IKZF1: variants seen among roughly 807,000 people sequenced by gnomAD.
IKZF1 encodes IKAROS family zinc finger 1.
Under a neutral mutation model 51.7 loss-of-function variants are expected in IKZF1, and 10 were observed. The ratio of observed to expected loss-of-function variants is 0.19; its 90% CI spans 0.12 to 0.33. The LOEUF is 0.33. Ranked by LOEUF, IKZF1 falls within the 10% of genes least tolerant of loss-of-function variation. The probability of loss-of-function intolerance (pLI) is 1.00; values close to 1 mark genes in which losing one functional copy is unlikely to be tolerated. For synonymous variants in IKZF1, 280 were observed against 282.3 expected (o/e 0.99, Z 0.08); for missense variants, 484 against 707.5 (o/e 0.68, Z 3.58).
At chr7:50,326,307 A>T (rs1432364582) in intron 2 of IKZF1, among the ~76,000 whole-genome samples, 1 of 152,224 alleles carries the variant, frequency 6.6e-6, no homozygotes, top group Non-Finnish European at 1.5e-5. Context: ...CTATGTGTTC[A>T]TATCATTTTG....
Position 50,400,270 on chromosome 7 carries a change from G to A in IKZF1, c.1203G>A (p.Glu401=), listed in dbSNP as rs1223738119. The change falls in exon 8 of 8, where the codon GAG becomes GAA. Residue 401 remains glutamate (E), a synonymous_variant. Coordinates refer to ENST00000331340, the MANE Select transcript of IKZF1 (RefSeq NM_006060.6). The surrounding 1 kb of genome is among the most constrained non-coding windows in gnomAD (Gnocchi z 5.4). ...SNSCQDSTDT[E]SNNEEQRSGL... is the part of the protein sequence containing the mutation. ...GCTGCCAAGACTCCACGGACACCGA[G>A]AGCAACAACGAGGAGCAGCGCAGCG... The A allele has an allele frequency of 1.2e-6, 2 of 1,612,396 alleles. No homozygotes were observed. The highest frequency in any genetic ancestry group is 2.2e-5 in the South Asian group (2 of 90,890).
intron 3 of IKZF1, among the ~76,000 whole-genome samples, chr7:50,336,355 G>A (rs1797783010): frequency 6.6e-6 from 1 of 152,172 alleles, no homozygotes; most frequent in Admixed American, 6.5e-5. Flanking sequence ...TGGGGACCAT[G>A]GGTCACATCT....
At chr7:50,353,711 G>C (rs575862587) in intron 3 of IKZF1, among the ~76,000 whole-genome samples, 1 of 152,136 alleles carries the variant, frequency 6.6e-6, no homozygotes, top group Non-Finnish European at 1.5e-5. Context: ...TTTATTCAAG[G>C]GGCTCTCTTT....
At chr7:50,385,872 TA>T (rs1319287576) in intron 5 of IKZF1, among the ~76,000 whole-genome samples, 2 of 152,240 alleles carry the variant, frequency 1.3e-5, no homozygotes, top group Non-Finnish European at 2.9e-5. Context: ...TTTATATAGA[TA>T]AAGAAAGATC....
Position 50,400,739 on chromosome 7 carries a change from T to C in IKZF1, c.*112T>C. 2 of 1,296,786 alleles carry C rather than the reference T, an allele frequency of 1.5e-6. No individual in the cohort carries two copies. The highest frequency in any genetic ancestry group is 2.1e-6 in the Non-Finnish European group (2 of 956,758). 80.3% of individuals were successfully genotyped at this position (1,296,786 alleles called of 1,614,324 possible). On this transcript the variant is annotated 3_prime_UTR_variant, in exon 8 of 8. Transcript: ENST00000331340. This position sits in a 1 kb window ranked among gnomAD's most constrained non-coding sequence, Gnocchi z 5.4. ...GACTGGACTGGACCAGACAATGTTG[T>C]GTTTGGATTTGTAACTGTTTTTTGT...
At chr7:50,359,490 A>G (rs1804575997) in intron 3 of IKZF1, among the ~76,000 whole-genome samples, 1 of 152,226 alleles carries the variant, frequency 6.6e-6, no homozygotes, top group African/African-American at 2.4e-5. Context: ...CGAACAGTGG[A>G]GACTGCTGCC....
chr7:50,331,368 C>T (rs1796407121), intron 3 of IKZF1, among the ~76,000 whole-genome samples: 1 of 151,682 alleles, frequency 6.6e-6, no homozygotes, highest in South Asian at 2.1e-4. Context: ...CTGGCCGCCA[C>T]CTGACTCAAG....
chr7:50,351,821 A>T (rs1156485927), intron 3 of IKZF1, among the ~76,000 whole-genome samples: 1 of 152,174 alleles, frequency 6.6e-6, no homozygotes, highest in Non-Finnish European at 1.5e-5. Flanking sequence ...GTATTTTAAC[A>T]CTTTTGGATG....
At chr7:50,379,904 A>G (rs908053613) in intron 4 of IKZF1, among the ~76,000 whole-genome samples, 53 of 152,250 alleles carry the variant, frequency 3.5e-4, no homozygotes, top group African/African-American at 1.3e-3. Context: ...GAGGGTTCCT[A>G]AAATGGGAGA....
At chr7:50,319,456 C>T (rs967111732) in intron 2 of IKZF1, among the ~76,000 whole-genome samples, 1 of 152,090 alleles carries the variant, frequency 6.6e-6, no homozygotes, top group Non-Finnish European at 1.5e-5. Flanking sequence ...GCTTGAAAAA[C>T]ATAATTGTTG....
intron 3 of IKZF1, among the ~76,000 whole-genome samples, chr7:50,339,215 T>TTTG (rs1199222417): frequency 7.9e-6 from 1 of 126,404 alleles, no homozygotes; most frequent in Non-Finnish European, 1.6e-5. Context: ...TTGGGTAGGG[T>TTTG]TGTGTGTGTG....
chr7:50,354,965 C>G (rs367843277), intron 3 of IKZF1, among the ~76,000 whole-genome samples: 1 of 152,104 alleles, frequency 6.6e-6, no homozygotes, highest in Admixed American at 6.5e-5. Context: ...ATACATAATG[C>G]GTGGCAATGC....
upstream of IKZF1, among the ~76,000 whole-genome samples, chr7:50,303,873 G>C (rs1047344023): frequency 1.4e-5 from 2 of 147,268 alleles, no homozygotes; most frequent in African/African-American, 4.9e-5. The surrounding 1 kb of genome is among the most constrained non-coding windows in gnomAD (Gnocchi z 4.7). Flanking sequence ...CGTGTCGCCC[G>C]CGCCGCGCCC....
In IKZF1 at chr7:50,400,129, C is replaced by A. The variant is rs2153518202; in HGVS notation, c.1062C>A (p.Leu354=). The change falls in exon 8 of 8, where the codon CTC becomes CTA. Residue 354 remains leucine (L), a synonymous_variant. Transcript: ENST00000331340. This position sits in a 1 kb window ranked among gnomAD's most constrained non-coding sequence, Gnocchi z 5.4. ...CGATGTACCAGCTGCACAAGCCGCT[C>A]GCGGAGGGCACCCCGCGCTCCAACC... ...ISPMYQLHKP[L]AEGTPRSNHS... 6.4e-7 allele frequency: 1 copy of A among 1,562,834 alleles called. No homozygotes were observed. Among genetic ancestry groups the A allele is most frequent in the Non-Finnish European group, 8.7e-7 (1 of 1,155,426 alleles).
chr7:50,367,999 A>T (rs1424006749), intron 3 of IKZF1: 3 of 682,498 alleles, frequency 4.4e-6, no homozygotes, highest in Admixed American at 2.1e-5. Context: ...TGCCTTCTTT[A>T]TTGCAGTTAC....
At chr7:50,387,207 C>A in intron 5 of IKZF1, 138 bp from the exon 6 acceptor site, 2 of 1,238,722 alleles carry the variant, frequency 1.6e-6, no homozygotes, top group Non-Finnish European at 1.1e-6. Context: ...GGAATTTCAC[C>A]AAGTCCGTAA....
intron 5 of IKZF1, among the ~76,000 whole-genome samples, chr7:50,384,256 C>T (rs551751803): frequency 4.9e-4 from 75 of 152,308 alleles, no homozygotes; most frequent in African/African-American, 1.8e-3. Context: ...GCAGGTGGTC[C>T]CTGCAGTAGT....
chr7:50,327,860 C>A, intron 3 of IKZF1, 103 bp downstream of exon 3: 3 of 1,275,022 alleles, frequency 2.4e-6, no homozygotes, highest in Non-Finnish European at 3.2e-6. Context: ...CCATTGTGTT[C>A]CCTCAACTGG....
chr7:50,336,173 G>C (rs934124671), intron 3 of IKZF1, among the ~76,000 whole-genome samples: 2 of 152,158 alleles, frequency 1.3e-5, no homozygotes, highest in African/African-American at 4.8e-5. Flanking sequence ...CTGGGTCCCC[G>C]GAGAAGACTC....
Sources: allele counts gnomAD v4.1 joint callset (sites outside exome capture counted in the v4.1 genomes callset), GRCh38; gene constraint gnomAD v4.1.1; non-coding constraint Gnocchi (gnomAD v3.1); transcripts MANE v1.5; gene names NCBI Gene and HGNC (gene_info 2026-07-23, HGNC 2026-07-21).